The following ZNF469 variants were observed in gnomAD, a reference collection of about 807,000 sequenced individuals.
ZNF469 encodes the protein zinc finger protein 469.
Under a neutral mutation model 1.0 loss-of-function variants are expected in ZNF469, and 1 was observed. That is an observed-to-expected ratio of 1.00 (90% CI 0.35 to 4.73). The LOEUF (loss-of-function observed/expected upper bound fraction) is 4.73, where lower values mean the gene tolerates loss of function less well. Among genes scored for constraint, ZNF469 ranks in the 30% most tolerant of loss-of-function variants. ZNF469 has a pLI of 0.16. For synonymous variants in ZNF469, 2,703 were observed against 2,363.4 expected (o/e 1.14, Z -4.17); for missense variants, 6,100 against 5,356.3 (o/e 1.14, Z -4.33).
At chr16:88,288,138 C>G in the ZNF469 span, among the ~76,000 whole-genome samples, 1 of 152,134 alleles carries the variant, frequency 6.6e-6, no homozygotes, top group Non-Finnish European at 1.5e-5. Context: ...GGTCAGTCAA[C>G]ATTTTGCGAG....
chr16:88,209,413 C>A, the ZNF469 span, among the ~76,000 whole-genome samples: 1 of 152,024 alleles, frequency 6.6e-6, no homozygotes, highest in African/African-American at 2.4e-5. Context: ...GTCTCAGCCT[C>A]CCGAGTAGCT....
chr16:88,152,409 CTA>C, the ZNF469 span, among the ~76,000 whole-genome samples: 1 of 152,168 alleles, frequency 6.6e-6, no homozygotes, highest in Admixed American at 6.5e-5. This position sits in a 1 kb window ranked among gnomAD's most constrained non-coding sequence, Gnocchi z 4.2. Flanking sequence ...GCTTTTCCGT[CTA>C]TGGTGCTGGC....
chr16:88,262,688 G>A, the ZNF469 span, among the ~76,000 whole-genome samples: 6 of 152,222 alleles, frequency 3.9e-5, no homozygotes, highest in African/African-American at 7.2e-5. This position sits in a 1 kb window ranked among gnomAD's most constrained non-coding sequence, Gnocchi z 4.3. Context: ...AGCACAGGCC[G>A]ACAATTTCCC....
upstream of ZNF469, among the ~76,000 whole-genome samples, chr16:88,382,398 G>A (rs371633039): frequency 5.9e-5 from 9 of 152,226 alleles, no homozygotes; most frequent in Admixed American, 4.6e-4. Context: ...CAATGCTGCC[G>A]AACTCACGGG....
the ZNF469 span, among the ~76,000 whole-genome samples, chr16:88,370,534 C>G: frequency 6.6e-6 from 1 of 152,140 alleles, no homozygotes; most frequent in Admixed American, 6.5e-5. Context: ...TGTCGTGTCA[C>G]CCACGTCTGG....
the ZNF469 span, among the ~76,000 whole-genome samples, chr16:88,187,788 T>C: frequency 1.3e-5 from 2 of 151,154 alleles, no homozygotes; most frequent in Non-Finnish European, 2.9e-5. Context: ...CAGTGCCTAA[T>C]GGTGATTTTT....
upstream of ZNF469, among the ~76,000 whole-genome samples, chr16:88,381,341 C>T (rs1333418748): frequency 7.0e-6 from 1 of 142,440 alleles, no homozygotes; most frequent in Non-Finnish European, 1.5e-5. Flanking sequence ...CACTCGCACA[C>T]AGACACACAC....
rs1906105281 is a variant in ZNF469 at position 88,430,738 on chromosome 16, C to T, written c.3268C>T (p.Arg1090Cys). ...GCCCGGAGCTGAGGACCGCAGGCTC[C>T]GCGAGTACGACTTCGCCTCGGAGTC... ...PRPGAEDRRL[R>C]EYDFASESEE... Residue 1090 changes from arginine to cysteine, a missense_variant, in exon 3 of 3, where the codon CGC becomes TGC. Arg to Cys is a radical substitution (Grantham distance 180). Coordinates refer to ENST00000565624, the MANE Select transcript of ZNF469 (RefSeq NM_001367624.2). 2.0e-6 allele frequency: 3 copies of T among 1,501,386 alleles called. No individual in the cohort carries two copies. Among genetic ancestry groups the T allele is most frequent in the East Asian group, 2.5e-5 (1 of 39,358 alleles). 93.0% of individuals were successfully genotyped at this position (1,501,386 alleles called of 1,614,324 possible).
rs555966080 is a variant in ZNF469, at chr16:88,410,350, G to A, written c.-191-14457G>A. On this transcript the variant is annotated intron_variant, in intron 1 of 2. Coordinates refer to ENST00000565624, the MANE Select transcript of ZNF469 (RefSeq NM_001367624.2). ...CATGGTTCACAGTAACGTCTATGAT[G>A]CTGTTGATGGTGCAGGTCACACAGT... 3.3e-5 allele frequency among the ~76,000 whole-genome samples: 5 copies of A among 151,946 alleles called. No homozygotes were observed. The East Asian group carries it at 9.7e-4, about 30-fold the overall frequency.
chr16:88,164,195 T>C, the ZNF469 span, among the ~76,000 whole-genome samples: 5 of 149,986 alleles, frequency 3.3e-5, no homozygotes, highest in Non-Finnish European at 5.9e-5. Flanking sequence ...AGTGGGTGGA[T>C]GGATGAATGG....
At chr16:88,287,144 G>A in the ZNF469 span, among the ~76,000 whole-genome samples, 113 of 152,254 alleles carry the variant, frequency 7.4e-4, no homozygotes, top group Middle Eastern at 3.4e-3. Flanking sequence ...TTATTTCACC[G>A]AATCTTCAGT....
At chr16:88,183,911 G>A in the ZNF469 span, among the ~76,000 whole-genome samples, 1 of 152,074 alleles carries the variant, frequency 6.6e-6, no homozygotes, top group East Asian at 1.9e-4. Context: ...GGGCTTGGGG[G>A]AGGGAGGTCC....
the ZNF469 span, among the ~76,000 whole-genome samples, chr16:88,207,997 TA>T: frequency 1.3e-5 from 2 of 152,248 alleles, no homozygotes; most frequent in South Asian, 4.1e-4. Flanking sequence ...CTTTGGAATG[TA>T]TAAATGTCCT....
the ZNF469 span, among the ~76,000 whole-genome samples, chr16:88,136,575 C>G: frequency 6.6e-6 from 1 of 152,258 alleles, no homozygotes. Flanking sequence ...CACAAATAAA[C>G]CTAGCTAGCA....
chr16:88,357,619 G>A, the ZNF469 span, among the ~76,000 whole-genome samples: 1 of 152,212 alleles, frequency 6.6e-6, no homozygotes, highest in Admixed American at 6.5e-5. Context: ...CTGAGACAGA[G>A]GGGAAGAGGG....
the ZNF469 span, among the ~76,000 whole-genome samples, chr16:88,271,668 G>A: frequency 6.8e-6 from 1 of 147,306 alleles, no homozygotes; most frequent in African/African-American, 2.5e-5. Context: ...TCAGAGCGAA[G>A]GTGAGGCAGG....
chr16:88,119,240 C>T, the ZNF469 span, among the ~76,000 whole-genome samples: 1 of 152,148 alleles, frequency 6.6e-6, no homozygotes, highest in East Asian at 1.9e-4. Context: ...CTCTGGGCAC[C>T]CTGGGAAGCG....
chr16:88,275,107 G>A, the ZNF469 span, among the ~76,000 whole-genome samples: 4 of 152,184 alleles, frequency 2.6e-5, no homozygotes, highest in African/African-American at 9.7e-5. Flanking sequence ...ATGCTCCCAC[G>A]AGCTCTGCAA....
the ZNF469 span, among the ~76,000 whole-genome samples, chr16:88,213,334 C>T: frequency 1.3e-5 from 2 of 151,986 alleles, no homozygotes; most frequent in Non-Finnish European, 2.9e-5. Flanking sequence ...CTCCTGACCT[C>T]GTAATCCGCT....
Sources: allele counts gnomAD v4.1 joint callset (sites outside exome capture counted in the v4.1 genomes callset), GRCh38; gene constraint gnomAD v4.1.1; non-coding constraint Gnocchi (gnomAD v3.1); transcripts MANE v1.5; gene names NCBI Gene and HGNC (gene_info 2026-07-23, HGNC 2026-07-21).